PAX4: variants seen among roughly 807,000 people sequenced by gnomAD.
PAX4 encodes paired box 4.
PAX4 carries 33 observed loss-of-function variants against 40.6 expected under a neutral mutation model. That is an observed-to-expected ratio of 0.81 (90% CI 0.62 to 1.09). PAX4 has a LOEUF of 1.09. PAX4 is among the 50% of genes least tolerant of loss of function. PAX4 has a pLI of 0.00. For missense variants in PAX4, 459 were observed against 442.5 expected, an observed-to-expected ratio of 1.04 and a Z score of -0.33; for synonymous variants, 174 against 170.6, an observed-to-expected ratio of 1.02 and a Z score of -0.16.
chr7:127,612,673 T>G (rs903710204), intron 9 of PAX4, among the ~76,000 whole-genome samples: 3 of 137,160 alleles, frequency 2.2e-5, no homozygotes, highest in Non-Finnish European at 3.1e-5. Flanking sequence ...GTGTGGTGGG[T>G]GGATGATGCC....
At chr7:127,614,636 CT>C in intron 5 of PAX4, 79 bp from the exon 6 acceptor site, 8 of 1,290,932 alleles carry the variant, frequency 6.2e-6, no homozygotes, top group Non-Finnish European at 8.8e-6. Context: ...CCTTAATATC[CT>C]TTTTCCCATC....
Position 127,615,980 on chromosome 7 carries a change from G to T in PAX4, c.-52C>A. ...ATGAGACTCCAGCTGGGAAGGCTGG[G>T]AAGGGAAGTTCCTTCTAGGAGCTCC... On this transcript the variant is annotated 5_prime_UTR_variant, in exon 3 of 12. Transcript: ENST00000639438. The T allele has an allele frequency of 6.5e-7, 1 of 1,534,448 alleles. No individual in the cohort carries two copies. Among genetic ancestry groups the T allele is most frequent in the Admixed American group, 2.0e-5 (1 of 50,946 alleles).
intron 3 of PAX4, 111 bp downstream of exon 3, chr7:127,615,805 C>T (rs1794716266): frequency 2.6e-6 from 4 of 1,527,462 alleles, no homozygotes; most frequent in Non-Finnish European, 3.5e-6. Context: ...GAAAAAGCTT[C>T]CCCAGAACAT....
rs762141365 is a variant in PAX4 at position 127,614,769 on chromosome 7, A to G, written c.360+111T>C. Reference sequence around the variant, plus strand: ...AAAAACTTATGGGTCAGAATTGCCCAGGAGCCCTGTCACCAGCTTGGGATG... The same window carrying G: ...AAAAACTTATGGGTCAGAATTGCCCGGGAGCCCTGTCACCAGCTTGGGATG... On this transcript the variant is annotated intron_variant, in intron 5 of 11. Transcript: ENST00000639438. 8.3e-6 allele frequency: 12 copies of G among 1,447,208 alleles called. No individual in the cohort carries two copies. In the Admixed American group the frequency reaches 1.8e-4, roughly 21 times the overall value. 89.6% of individuals were successfully genotyped at this position (1,447,208 alleles called of 1,614,324 possible).
intron 7 of PAX4, 109 bp downstream of exon 7, chr7:127,613,643 AAGGC>A: frequency 6.6e-7 from 1 of 1,525,196 alleles, no homozygotes; most frequent in Non-Finnish European, 8.9e-7. Flanking sequence ...CTTCCTCCTC[AAGGC>A]AGGGCCACTC....
intron 7 of PAX4, 96 bp from the exon 8 acceptor site, chr7:127,613,628 A>T: frequency 6.3e-7 from 1 of 1,582,802 alleles, no homozygotes; most frequent in Non-Finnish European, 8.7e-7. Flanking sequence ...ACAACCCCAA[A>T]CTACCTTCCT....
chr7:127,614,478 C>T lies in PAX4; in HGVS notation c.436+4G>A. On this transcript the variant is annotated splice_donor_region_variant and intron_variant, in intron 6 of 11. Transcript: ENST00000639438. ...TTAGCCCTGGGGACAACTCCAAGAC[C>T]CACCTGGTGACCTGAGCCGTGTGCA... 1 of 1,590,518 alleles carries T rather than the reference C, an allele frequency of 6.3e-7. No homozygotes were observed. Among genetic ancestry groups the T allele is most frequent in the South Asian group, 1.1e-5 (1 of 87,206 alleles).
In PAX4 at chr7:127,611,089, C is replaced by T. The variant is rs1231593718; in HGVS notation, c.1031G>A (p.Cys344Tyr). The change falls in exon 12 of 12, where the codon TGC (cysteine) becomes TAC (tyrosine). Residue 344 changes from cysteine to tyrosine, a missense_variant. Transcript: ENST00000639438. ...TCATTCCAAGCCATACAGTAGTGGG[C>T]AGCCAGGCCAGAGCAGGGCCTGAGA... ...SGSQALLWPGCPLLYGLE is the reference protein window; with the variant it reads ...SGSQALLWPGYPLLYGLE 6 of 1,606,904 alleles carry T rather than the reference C, an allele frequency of 3.7e-6. No homozygotes were observed. The highest frequency in any genetic ancestry group is 3.4e-6 in the Non-Finnish European group (4 of 1,176,140).
At chr7:127,613,659 C>T in intron 7 of PAX4, 97 bp downstream of exon 7, 2 of 1,444,646 alleles carry the variant, frequency 1.4e-6, no homozygotes. Context: ...GGGCCACTCA[C>T]ACCTGCACCT....
At chr7:127,616,852 G>A (rs1454326918) in intron 2 of PAX4, among the ~76,000 whole-genome samples, 5 of 152,220 alleles carry the variant, frequency 3.3e-5, no homozygotes, top group East Asian at 3.8e-4. Flanking sequence ...CATAGAAACC[G>A]TCATGAGCCC....
Position 127,611,046 on chromosome 7 carries a change from C to A in PAX4, c.*18G>T. The A allele has an allele frequency of 6.3e-7, 1 of 1,592,756 alleles. No individual in the cohort carries two copies. ...TGGTATTAGATCTTCTCTATGCCAT[C>A]TCCTTCCCACTCCTGCCTCATTCCA... On this transcript the variant is annotated 3_prime_UTR_variant, in exon 12 of 12. Coordinates refer to ENST00000639438, the MANE Select transcript of PAX4 (RefSeq NM_001366110.1).
chr7:127,615,626 AC>A, intron 3 of PAX4, 95 bp from the exon 4 acceptor site: 2 of 1,602,010 alleles, frequency 1.2e-6, no homozygotes, highest in Non-Finnish European at 1.7e-6. Context: ...CTGGCTTCCC[AC>A]CACCGAGTGC....
At chr7:127,614,619 ATGTTGCCCTTAATATCCT>A in intron 5 of PAX4, 62 bp from the exon 6 acceptor site, 2 of 1,365,680 alleles carry the variant, frequency 1.5e-6, no homozygotes, top group Non-Finnish European at 2.0e-6. Context: ...TACCCTGAGG[ATGTTGCCCTTAATATCCT>A]TTTTCCCATC....
rs149820585 is a variant in PAX4, at chr7:127,612,841, G to A, written c.715+181C>T. On this transcript the variant is annotated intron_variant, in intron 9 of 11. Coordinates refer to ENST00000639438, the MANE Select transcript of PAX4 (RefSeq NM_001366110.1). ...GGGTGGATGGGTGGGTGTGGTGGGTGGATGATGAATGGATGAATGGATGGA... is the reference window on the plus strand; with the variant it reads ...GGGTGGATGGGTGGGTGTGGTGGGTAGATGATGAATGGATGAATGGATGGA... 0.015 allele frequency among the ~76,000 whole-genome samples: 2,205 copies of A among 149,100 alleles called. 83 individuals are homozygous for A. Among genetic ancestry groups the A allele is most frequent in the African/African-American group, 0.053 (2,096 of 39,666 alleles).
intron 9 of PAX4, 43 bp downstream of exon 9, chr7:127,612,971 GGATGGATA>G (rs1343570558): frequency 1.5e-6 from 2 of 1,322,064 alleles, no homozygotes; most frequent in Admixed American, 1.7e-5. Flanking sequence ...ATGGATGGAT[GGATGGATA>G]GATGACTGAG....
At position 127,611,143 on chromosome 7, in the gene PAX4, G is replaced by C. The variant is rs1363145216; in HGVS notation, c.977C>G (p.Ser326Cys). 3.1e-6 allele frequency: 5 copies of C among 1,605,850 alleles called. No individual in the cohort carries two copies. Among genetic ancestry groups the C allele is most frequent in the Non-Finnish European group, 4.3e-6 (5 of 1,175,942 alleles). Residue 326 changes from serine (S) to cysteine (C), a missense_variant, in exon 12 of 12, where the codon TCC becomes TGC. Ser to Cys is a moderately radical substitution (Grantham distance 112, BLOSUM62 -1). Transcript: ENST00000639438. Reference sequence around the variant, plus strand: ...ACTAAGACTGGCCAGGTGACAGTGGGAGGAAGGGCAAGGAAGGCAAAGCAG... The same window carrying C: ...ACTAAGACTGGCCAGGTGACAGTGGCAGGAAGGGCAAGGAAGGCAAAGCAG... Reference protein sequence around the residue: ...SGLLCLPCPSSHCHLASLSGS... With the variant: ...SGLLCLPCPSCHCHLASLSGS...
chr7:127,616,829 G>A (rs1794730343), intron 2 of PAX4, among the ~76,000 whole-genome samples: 1 of 152,208 alleles, frequency 6.6e-6, no homozygotes, highest in African/African-American at 2.4e-5. Context: ...GGAGAAGACT[G>A]TCCGCTGAGC....
At chr7:127,615,594 G>A in intron 3 of PAX4, 63 bp from the exon 4 acceptor site, 1 of 1,610,380 alleles carries the variant, frequency 6.2e-7, no homozygotes, top group South Asian at 1.1e-5. Context: ...CCTGTGGAGA[G>A]GGTCACTCAG....
At chr7:127,612,997 A>T (rs1318754194) in intron 9 of PAX4, 25 bp downstream of exon 9, 2 of 1,587,246 alleles carry the variant, frequency 1.3e-6, no homozygotes, top group Non-Finnish European at 1.7e-6. Flanking sequence ...GAGCGGGCAG[A>T]TGGATGATGG....
Sources: gnomAD v4.1 joint callset for allele counts (sites outside exome capture counted in the v4.1 genomes callset) on GRCh38, gnomAD v4.1.1 for gene constraint, MANE v1.5 for transcripts, NCBI Gene and HGNC (gene_info 2026-07-23, HGNC 2026-07-21) for gene names.